Variants in IPPK observed in about 807,000 individuals in gnomAD.
The protein encoded by IPPK is inositol-pentakisphosphate 2-kinase.
Under a neutral mutation model 64.6 loss-of-function variants are expected in IPPK, and 22 were observed. The observed-to-expected ratio is 0.34, with a 90% CI of 0.24 to 0.49. The LOEUF is 0.49. Ranked by LOEUF, IPPK falls within the 20% of genes least tolerant of loss-of-function variation. The probability of loss-of-function intolerance (pLI) is 0.99; values close to 1 mark genes in which losing one functional copy is unlikely to be tolerated. For missense variants in IPPK, 532 were observed against 630.7 expected (o/e 0.84, Z 1.68); for synonymous variants, 262 against 247.2 (o/e 1.06, Z -0.56).
At chr9:92,651,978 G>C (rs1214732783) in intron 4 of IPPK, among the ~76,000 whole-genome samples, 7 of 152,066 alleles carry the variant, frequency 4.6e-5, no homozygotes, top group African/African-American at 1.7e-4. Flanking sequence ...CTGACCTCAG[G>C]TGACCTGCCT....
chr9:92,613,269 C>A lies in IPPK; in HGVS notation c.*2563G>T. 1.8e-6 allele frequency: 2 copies of A among 1,098,146 alleles called. No individual in the cohort carries two copies. Among genetic ancestry groups the A allele is most frequent in the Non-Finnish European group, 2.7e-6 (2 of 746,848 alleles). The allele number at this position is 1,098,146 out of a possible 1,614,324, so 68.0% of individuals were successfully genotyped here. A position where few individuals can be genotyped will look rare whatever the true frequency, so the allele number is the denominator to read the frequency against. ...ACACCCTGAAGACGTGCTGTCTATG[C>A]AGTTATGGCACATTATATGGAAACT... On this transcript the variant is annotated 3_prime_UTR_variant, in exon 13 of 13. Coordinates refer to ENST00000287996, the MANE Select transcript of IPPK (RefSeq NM_022755.6).
At chr9:92,620,221 G>A (rs1320154534) in intron 11 of IPPK, 2 of 156,258 alleles carry the variant, frequency 1.3e-5, no homozygotes, top group Non-Finnish European at 2.8e-5. Flanking sequence ...CCGGTACGCT[G>A]GCTCTGACAT....
Position 92,656,456 on chromosome 9 carries a change from C to T in IPPK, c.225G>A (p.Gly75=), listed in dbSNP as rs772313837. ...TCAGATGTGAATAAAAAGCACTTAC[C>T]CCATAATGAACATAGTTCTCCCCCA... is the stretch of plus-strand genomic sequence containing the variant. The part of the protein sequence containing the change: ...EFLGENYVHY[G]EVVQLPLEFV... The change falls in exon 3 of 13, where the codon GGG becomes GGA. Residue 75 remains glycine, a splice_region_variant and synonymous_variant. Coordinates refer to ENST00000287996, the MANE Select transcript of IPPK (RefSeq NM_022755.6). 3.8e-6 allele frequency: 6 copies of T among 1,596,336 alleles called. No homozygotes were observed. Among genetic ancestry groups the T allele is most frequent in the Non-Finnish European group, 5.2e-6 (6 of 1,163,758 alleles).
chr9:92,620,016 G>A (rs996284798), intron 11 of IPPK: 8 of 178,498 alleles, frequency 4.5e-5, no homozygotes, highest in African/African-American at 1.4e-4. Context: ...CATTCCCTCC[G>A]GAACATCATA....
At chr9:92,622,259 T>G (rs917932445) in intron 11 of IPPK, among the ~76,000 whole-genome samples, 1 of 152,148 alleles carries the variant, frequency 6.6e-6, no homozygotes, top group Admixed American at 6.5e-5. Context: ...CTTTTGAGAT[T>G]TGGAACAGGA....
In IPPK at chr9:92,658,681, G is replaced by A. The variant is rs775374177; in HGVS notation, c.82C>T (p.Arg28Cys). 2.2e-5 allele frequency: 35 copies of A among 1,613,700 alleles called. No homozygotes were observed. Among genetic ancestry groups the A allele is most frequent in the Non-Finnish European group, 2.7e-5 (32 of 1,179,820 alleles). The change falls in exon 2 of 13, where the codon CGC (arginine) becomes TGC (cysteine). Residue 28 changes from arginine to cysteine, a missense_variant and splice_region_variant. Coordinates refer to ENST00000287996, the MANE Select transcript of IPPK (RefSeq NM_022755.6). ...NKSLVVAHAQ[R>C]CVVLRFLKFP... is the part of the protein sequence containing the mutation. ...TTCAGAAACCGCAGCACGACGCAGC[G>A]CTGTTGGAAAATAAAACAAATCTGA...
At chr9:92,633,931 G>C (rs1851888518) in intron 11 of IPPK, among the ~76,000 whole-genome samples, 1 of 152,212 alleles carries the variant, frequency 6.6e-6, no homozygotes. Context: ...TACAGGGCCA[G>C]TCCTCTTCCC....
rs770137671 is a variant in IPPK at position 92,649,569 on chromosome 9, G to A, written c.298C>T (p.Arg100Cys). 4.3e-6 allele frequency: 7 copies of A among 1,613,836 alleles called. No homozygotes were observed. Among genetic ancestry groups the A allele is most frequent in the African/African-American group, 2.7e-5 (2 of 74,888 alleles). Residue 100 changes from arginine (R) to cysteine (C), a missense_variant, in exon 5 of 13, where the codon CGC (arginine) becomes TGC (cysteine). Physicochemically the swap from Arg to Cys is radical, Grantham distance 180 (BLOSUM62 -3). Coordinates refer to ENST00000287996, the MANE Select transcript of IPPK (RefSeq NM_022755.6). ...LKIQSERPES[R>C]CDKDLDTLSG... is the part of the protein sequence containing the mutation. ...AGAGTATCCAGGTCCTTGTCACAGC[G>A]AGACTCTGGAAAACAGAGCAAGGGT... is the stretch of plus-strand genomic sequence containing the variant.
At chr9:92,663,937 C>T (rs896326178) in intron 1 of IPPK, among the ~76,000 whole-genome samples, 47 of 152,362 alleles carry the variant, frequency 3.1e-4, no homozygotes, top group African/African-American at 1.1e-3. Context: ...AGGATGCCTT[C>T]TAGAAGCAAT....
intron 12 of IPPK, 166 bp downstream of exon 12, chr9:92,619,320 G>C (rs780438295): frequency 3.3e-6 from 2 of 602,546 alleles, no homozygotes; most frequent in Non-Finnish European, 6.0e-6. Context: ...AGCTTCTAGA[G>C]GGCGAGAGTT....
chr9:92,636,516 C>T (rs372348633), intron 9 of IPPK, among the ~76,000 whole-genome samples: 1 of 152,044 alleles, frequency 6.6e-6, no homozygotes, highest in Admixed American at 6.6e-5. Flanking sequence ...TAGTGCGTGT[C>T]GGTAGTCCCA....
chr9:92,624,871 A>G (rs1411574127), intron 11 of IPPK, among the ~76,000 whole-genome samples: 1 of 151,782 alleles, frequency 6.6e-6, no homozygotes, highest in Non-Finnish European at 1.5e-5. Context: ...TGGGTGCACT[A>G]GCAAAGGTGA....
At chr9:92,625,949 A>C (rs1328106990) in intron 11 of IPPK, among the ~76,000 whole-genome samples, 2 of 152,130 alleles carry the variant, frequency 1.3e-5, no homozygotes, top group Non-Finnish European at 1.5e-5. Context: ...CCAAGGTTTT[A>C]TTGTATCTGA....
chr9:92,644,878 A>T (rs145440687), intron 6 of IPPK, among the ~76,000 whole-genome samples: 1 of 152,274 alleles, frequency 6.6e-6, no homozygotes, highest in Non-Finnish European at 1.5e-5. Context: ...ACGCAAAGAA[A>T]CAAGAAAGTA....
intron 11 of IPPK, among the ~76,000 whole-genome samples, chr9:92,622,607 AATATAT>A (rs61050099): frequency 3.3e-5 from 5 of 150,796 alleles, no homozygotes; most frequent in Non-Finnish European, 1.5e-5. Context: ...TTATCAGAAT[AATATAT>A]ATATATATAA....
chr9:92,613,247 C>T lies in IPPK; in HGVS notation c.*2585G>A, dbSNP rs1325762668. On this transcript the variant is annotated 3_prime_UTR_variant, in exon 13 of 13. Transcript: ENST00000287996. ...TGCTATTTTCTGCTTAGAAACCACA[C>T]CCTGAAGACGTGCTGTCTATGCAGT... 2 of 1,441,958 alleles carry T rather than the reference C, an allele frequency of 1.4e-6. No homozygotes were observed. Among genetic ancestry groups the T allele is most frequent in the East Asian group, 2.3e-5 (1 of 43,630 alleles). 89.3% of individuals were successfully genotyped at this position (1,441,958 alleles called of 1,614,324 possible).
At chr9:92,648,455 C>A (rs558644208) in intron 5 of IPPK, among the ~76,000 whole-genome samples, 2 of 152,210 alleles carry the variant, frequency 1.3e-5, no homozygotes, top group African/African-American at 4.8e-5. Flanking sequence ...TGACTGCAAG[C>A]CTCTAGTAGT....
intron 11 of IPPK, among the ~76,000 whole-genome samples, chr9:92,627,346 C>G (rs1851752052): frequency 6.6e-6 from 1 of 152,050 alleles, no homozygotes; most frequent in South Asian, 2.1e-4. Context: ...GCTGGAACAC[C>G]AACTCATTCT....
chr9:92,630,469 G>GT (rs752206477), intron 11 of IPPK, among the ~76,000 whole-genome samples: 3 of 152,100 alleles, frequency 2.0e-5, no homozygotes, highest in East Asian at 1.9e-4. Flanking sequence ...ATGATTGCAC[G>GT]TATCTTTCAA....
Sources: allele counts gnomAD v4.1 joint callset (sites outside exome capture counted in the v4.1 genomes callset), GRCh38; gene constraint gnomAD v4.1.1; transcripts MANE v1.5; gene names NCBI Gene and HGNC (gene_info 2026-07-23, HGNC 2026-07-21).